The following FRAS1 variants were observed in gnomAD, a reference collection of about 807,000 sequenced individuals.
FRAS1 encodes the protein extracellular matrix organizing protein FRAS1.
In FRAS1, 290 loss-of-function variants were observed where a neutral mutation model predicts 435.2. The observed-to-expected ratio is 0.67, with a 90% CI of 0.61 to 0.73. The LOEUF (loss-of-function observed/expected upper bound fraction) is 0.73. FRAS1 is among the 30% of genes least tolerant of loss of function. The pLI, the probability that FRAS1 is intolerant of heterozygous loss-of-function variation, is 0.00. For synonymous variants in FRAS1, 1,800 were observed against 1,851.0 expected, an observed-to-expected ratio of 0.97 and a Z score of 0.71; for missense variants, 4,860 against 5,001.5, an observed-to-expected ratio of 0.97 and a Z score of 0.85.
At chr4:78,453,370 A>G in intron 47 of FRAS1, among the ~76,000 whole-genome samples, 1 of 152,208 alleles carries the variant, frequency 6.6e-6, no homozygotes, top group South Asian at 2.1e-4. Flanking sequence ...TGCGAGAGAG[A>G]ATTCCTGTAC....
chr4:78,158,886 T>C (rs1721006435), intron 2 of FRAS1, among the ~76,000 whole-genome samples: 1 of 152,188 alleles, frequency 6.6e-6, no homozygotes, highest in Non-Finnish European at 1.5e-5. Flanking sequence ...ATTGACATGA[T>C]GTTTTTGGTG....
intron 2 of FRAS1, among the ~76,000 whole-genome samples, chr4:78,149,302 T>C (rs1268783200): frequency 1.3e-5 from 2 of 152,230 alleles, no homozygotes; most frequent in Admixed American, 1.3e-4. Flanking sequence ...TGGTTTCTTC[T>C]CTATGTTAAG....
chr4:78,237,493 C>A lies in FRAS1; in HGVS notation c.109-17C>A. 1 of 1,584,838 alleles carries A rather than the reference C, an allele frequency of 6.3e-7. No homozygotes were observed. Among genetic ancestry groups the A allele is most frequent in the Non-Finnish European group, 8.7e-7 (1 of 1,153,760 alleles). On this transcript the variant is annotated splice_polypyrimidine_tract_variant and intron_variant, in intron 2 of 73. Transcript: ENST00000512123. ...TGACTGATCAGTTTTTAAATCAGAGCTTATGCCTCTTTACAGGATGCCACA... is the reference window on the plus strand; with the variant it reads ...TGACTGATCAGTTTTTAAATCAGAGATTATGCCTCTTTACAGGATGCCACA...
rs181852873 is a variant in FRAS1 at position 78,245,558 on chromosome 4, A to T, written c.309+233A>T. ...TTTGTGTCTGAGAATGTTGATGTTGAAGAAGTTGTGATGCTGAATAGTAAA... is the reference window on the plus strand; with the variant it reads ...TTTGTGTCTGAGAATGTTGATGTTGTAGAAGTTGTGATGCTGAATAGTAAA... On this transcript the variant is annotated intron_variant, in intron 4 of 73. Coordinates refer to ENST00000512123, the MANE Select transcript of FRAS1 (RefSeq NM_025074.7). Among the ~76,000 whole-genome samples, 13 of 152,306 alleles carry T rather than the reference A, an allele frequency of 8.5e-5. No individual in the cohort carries two copies. In the South Asian group the frequency reaches 1.9e-3, roughly 22 times the overall value.
At chr4:78,410,354 G>A (rs1200598316) in intron 31 of FRAS1, among the ~76,000 whole-genome samples, 1 of 151,272 alleles carries the variant, frequency 6.6e-6, no homozygotes, top group Non-Finnish European at 1.5e-5. Flanking sequence ...GTCCATTGGA[G>A]TTATTTGGCA....
chr4:78,373,774 A>G (rs908562622), intron 24 of FRAS1, among the ~76,000 whole-genome samples: 12 of 151,440 alleles, frequency 7.9e-5, no homozygotes, highest in African/African-American at 2.9e-4. Flanking sequence ...ACTCCGTCTT[A>G]AATAATAATA....
chr4:78,089,583 T>A (rs1000467803), intron 2 of FRAS1, among the ~76,000 whole-genome samples: 1 of 152,172 alleles, frequency 6.6e-6, no homozygotes, highest in Non-Finnish European at 1.5e-5. Flanking sequence ...TTTTTAATTT[T>A]CCTCTGGCTC....
At chr4:78,475,910 C>T (rs558125746) in intron 54 of FRAS1, among the ~76,000 whole-genome samples, 2 of 152,296 alleles carry the variant, frequency 1.3e-5, no homozygotes, top group African/African-American at 4.8e-5. Context: ...GTATCCCAAC[C>T]GTTCTTCTCC....
In FRAS1 at chr4:78,369,903, A is replaced by G; in HGVS notation, c.2788A>G (p.Lys930Glu). The G allele has an allele frequency of 6.2e-7, 1 of 1,613,866 alleles. No homozygotes were observed. The highest frequency in any genetic ancestry group is 8.5e-7 in the Non-Finnish European group (1 of 1,179,790). ...ASCTSCRDPNKVLLFGECQYE... is the reference protein window; with the variant it reads ...ASCTSCRDPNEVLLFGECQYE... ...CTGTACCTCCTGCCGAGATCCAAAC[A>G]AGGTTCTGCTCTTTGGGGAATGTCA... Residue 930 changes from lysine (K) to glutamate (E), a missense_variant, in exon 23 of 74, where the codon AAG (lysine) becomes GAG (glutamate). Transcript: ENST00000512123.
intron 2 of FRAS1, among the ~76,000 whole-genome samples, chr4:78,088,730 T>G (rs1280912382): frequency 6.6e-6 from 1 of 152,150 alleles, no homozygotes; most frequent in Non-Finnish European, 1.5e-5. Context: ...CACAATGAGA[T>G]ACCATCTCAC....
chr4:78,358,163 G>C (rs1272757829), intron 20 of FRAS1, among the ~76,000 whole-genome samples: 1 of 106,260 alleles, frequency 9.4e-6, no homozygotes, highest in Non-Finnish European at 1.9e-5. Flanking sequence ...AAAATTATAG[G>C]AGTATAGTAG....
chr4:78,535,020 G>C (rs1023565638), intron 71 of FRAS1, among the ~76,000 whole-genome samples: 1 of 152,060 alleles, frequency 6.6e-6, no homozygotes, highest in African/African-American at 2.4e-5. Context: ...CTCACTTCAC[G>C]GTCACTTCTC....
chr4:78,521,505 C>G lies in FRAS1; in HGVS notation c.10541-18C>G, dbSNP rs780297969. The G allele has an allele frequency of 6.3e-7, 1 of 1,591,242 alleles. No individual in the cohort carries two copies. The highest frequency in any genetic ancestry group is 2.2e-5 in the East Asian group (1 of 44,618). On this transcript the variant is annotated intron_variant, in intron 67 of 73. Coordinates refer to ENST00000512123, the MANE Select transcript of FRAS1 (RefSeq NM_025074.7). The stretch of plus-strand genomic sequence containing the variant: ...AATTTTCCATGCCCTAGCATTTTCT[C>G]TCTGCTTTCCTGCCCAGGAATCCAG...
At chr4:78,523,148 C>A (rs1015934767) in intron 69 of FRAS1, among the ~76,000 whole-genome samples, 1 of 152,068 alleles carries the variant, frequency 6.6e-6, no homozygotes, top group Non-Finnish European at 1.5e-5. Context: ...AGAAACAAAT[C>A]TTGCTCAGAT....
chr4:78,331,098 G>T (rs531947477), intron 18 of FRAS1, among the ~76,000 whole-genome samples: 1 of 152,048 alleles, frequency 6.6e-6, no homozygotes, highest in Admixed American at 6.5e-5. Context: ...GAACCTATGT[G>T]AATATCGGGG....
At position 78,282,933 on chromosome 4, in the gene FRAS1, G is replaced by A. The variant is rs1010831087; in HGVS notation, c.1221G>A (p.Glu407=). 14 of 1,607,740 alleles carry A rather than the reference G, an allele frequency of 8.7e-6. No homozygotes were observed. The highest frequency in any genetic ancestry group is 4.0e-5 in the African/African-American group (3 of 74,640). The change falls in exon 12 of 74, where the codon GAG becomes GAA. Residue 407 remains glutamate, a synonymous_variant. Transcript: ENST00000512123. ...GTCCAGTGGGCACACTGGCCTTAGA[G>A]GTGAAGGGACAGTGCTGTCCAGACT... is the stretch of plus-strand genomic sequence containing the variant. The part of the protein sequence containing the change: ...PPCPVGTLAL[E]VKGQCCPDCT...
At position 78,445,611 on chromosome 4, in the gene FRAS1, A is replaced by G. The variant is rs1560732517; in HGVS notation, c.5755A>G (p.Ser1919Gly). 2 of 1,613,754 alleles carry G rather than the reference A, an allele frequency of 1.2e-6. No homozygotes were observed. Among genetic ancestry groups the G allele is most frequent in the Non-Finnish European group, 1.7e-6 (2 of 1,179,786 alleles). ...GGAAAACTACATTTACTACTTTCAG[A>G]GTGTTCATGAAAGCATTGAGCCAAC... ...VLENYIYYFQ[S>G]VHESIEPTHD... The change falls in exon 42 of 74, where the codon AGT becomes GGT. Residue 1919 changes from serine to glycine, a missense_variant. Transcript: ENST00000512123.
intron 2 of FRAS1, among the ~76,000 whole-genome samples, chr4:78,170,952 T>A (rs967083588): frequency 6.6e-6 from 1 of 151,998 alleles, no homozygotes; most frequent in Non-Finnish European, 1.5e-5. Context: ...GGCATCCCAT[T>A]CCACTCTCTC....
chr4:78,086,603 A>T (rs564965430), intron 2 of FRAS1, among the ~76,000 whole-genome samples: 6 of 152,220 alleles, frequency 3.9e-5, no homozygotes, highest in African/African-American at 7.2e-5. Context: ...TATCACCACC[A>T]ATCCCACAGA....
Sources: gnomAD v4.1 joint callset for allele counts (sites outside exome capture counted in the v4.1 genomes callset) on GRCh38, gnomAD v4.1.1 for gene constraint, MANE v1.5 for transcripts, NCBI Gene and HGNC (gene_info 2026-07-23, HGNC 2026-07-21) for gene names.